COX17: variants seen among roughly 807,000 people sequenced by gnomAD.
COX17 encodes the protein cytochrome c oxidase copper chaperone COX17.
Under a neutral mutation model 6.3 loss-of-function variants are expected in COX17, and 1 was observed. The observed-to-expected ratio is 0.16, with a 90% CI of 0.06 to 0.75. The LOEUF (loss-of-function observed/expected upper bound fraction) is 0.75. Among genes scored for constraint, COX17 ranks in the 30% least tolerant of loss-of-function variants. COX17 has a pLI of 0.77. For synonymous variants in COX17, 26 were observed against 30.5 expected (o/e 0.85, Z 0.49); for missense variants, 73 against 81.2 (o/e 0.90, Z 0.39).
At chr3:119,667,688 T>TACAC (rs58875404), downstream of COX17, among the ~76,000 whole-genome samples, 1,080 of 136,852 alleles carry the variant, frequency 7.9e-3, 13 homozygotes, top group African/African-American at 0.027. Context: ...GTAAAAGGTG[T>TACAC]ACACACACAC....
chr3:119,669,317 A>T (rs909214302), downstream of COX17: 5 of 151,754 alleles, frequency 3.3e-5, no homozygotes, highest in African/African-American at 4.8e-5. Flanking sequence ...GAATTGGTAA[A>T]GGGTTATTTT....
chr3:119,676,741 A>G (rs1275570016), intron 1 of COX17: 22 of 681,778 alleles, frequency 3.2e-5, no homozygotes, highest in Non-Finnish European at 5.6e-5. Context: ...CACGTCGTAT[A>G]CAAGTCACTG....
downstream of COX17, among the ~76,000 whole-genome samples, chr3:119,668,161 T>C (rs2053011228): frequency 6.6e-6 from 1 of 152,168 alleles, no homozygotes; most frequent in African/African-American, 2.4e-5. Context: ...TATTTTGTTT[T>C]AAAAAATGTA....
downstream of COX17, among the ~76,000 whole-genome samples, chr3:119,667,660 C>CAA (rs71156763): frequency 3.4e-4 from 39 of 114,154 alleles, no homozygotes; most frequent in South Asian, 6.1e-3. Context: ...TCAGAGTAGC[C>CAA]AAAAAAAAAA....
At chr3:119,670,407 C>T (rs2053032166) in intron 2 of COX17, among the ~76,000 whole-genome samples, 1 of 152,174 alleles carries the variant, frequency 6.6e-6, no homozygotes. Context: ...AAGATACAAA[C>T]ATCTAAACTC....
intron 2 of COX17, among the ~76,000 whole-genome samples, chr3:119,670,752 TTGTGTGTGTG>T (rs10542008): frequency 0.079 from 11,744 of 149,530 alleles, 1,253 homozygotes; most frequent in East Asian, 0.51. Flanking sequence ...ATGATCAGTT[TTGTGTGTGTG>T]TGTGTGTGTG....
At chr3:119,677,008 CGGGGCGGGGCGGGGCGGG>C (rs1454650399) in intron 1 of COX17, 178 bp downstream of exon 1, 13 of 322,448 alleles carry the variant, frequency 4.0e-5, no homozygotes, top group Non-Finnish European at 6.0e-5. Flanking sequence ...CGCAATGGGG[CGGGGCGGGGCGGGGCGGG>C]GGGGGGGGGC....
At chr3:119,668,638 C>T (rs986488247), downstream of COX17, among the ~76,000 whole-genome samples, 4 of 150,834 alleles carry the variant, frequency 2.7e-5, no homozygotes, top group African/African-American at 9.8e-5. Flanking sequence ...GTCTGTCATA[C>T]ATCAAAGCCA....
intron 3 of COX17, among the ~76,000 whole-genome samples, chr3:119,664,162 C>G (rs941523998): frequency 6.6e-6 from 1 of 152,104 alleles, no homozygotes; most frequent in Non-Finnish European, 1.5e-5. Flanking sequence ...AAAGAAAAAA[C>G]ACTTATGAGG....
At chr3:119,671,099 C>T (rs2053039157) in intron 2 of COX17, among the ~76,000 whole-genome samples, 1 of 152,182 alleles carries the variant, frequency 6.6e-6, no homozygotes, top group African/African-American at 2.4e-5. Flanking sequence ...TTTGCTACTA[C>T]TAAATTTTCA....
At chr3:119,664,160 AAC>A (rs2052972550) in intron 3 of COX17, among the ~76,000 whole-genome samples, 1 of 152,200 alleles carries the variant, frequency 6.6e-6, no homozygotes, top group African/African-American at 2.4e-5. Context: ...TCAAAGAAAA[AAC>A]ACTTATGAGG....
chr3:119,674,579 T>A (rs2107835247), intron 2 of COX17: 1 of 152,686 alleles, frequency 6.5e-6, no homozygotes, highest in Non-Finnish European at 1.5e-5. Context: ...GAGGATTGCC[T>A]GAGTCCAAGA....
chr3:119,668,565 A>G (rs764654732), downstream of COX17, among the ~76,000 whole-genome samples: 3 of 149,448 alleles, frequency 2.0e-5, no homozygotes, highest in Non-Finnish European at 4.4e-5. Context: ...TTTTCAGCTG[A>G]GAAAAACAGA....
At chr3:119,669,134 A>C (rs965046513), downstream of COX17, 8 of 152,164 alleles carry the variant, frequency 5.3e-5, no homozygotes, top group African/African-American at 1.9e-4. Context: ...TTCTAAGCCA[A>C]ATTACCCTAA....
chr3:119,671,615 G>A (rs2107833452), intron 2 of COX17, among the ~76,000 whole-genome samples: 1 of 152,250 alleles, frequency 6.6e-6, no homozygotes, highest in East Asian at 1.9e-4. Flanking sequence ...TGGGTTATAT[G>A]CAACTGTACA....
At chr3:119,673,264 T>C (rs1286883398) in intron 2 of COX17, among the ~76,000 whole-genome samples, 2 of 152,176 alleles carry the variant, frequency 1.3e-5, no homozygotes, top group East Asian at 1.9e-4. Context: ...CAATCCTCCA[T>C]TAAGCACCTA....
intron 2 of COX17, among the ~76,000 whole-genome samples, chr3:119,670,750 TTTTGTGTGTG>T (rs1011002694): frequency 4.4e-4 from 33 of 75,168 alleles, no homozygotes; most frequent in Admixed American, 1.7e-3. Context: ...ACATGATCAG[TTTTGTGTGTG>T]TGTGTGTGTG....
At chr3:119,666,684 C>T (rs1241480174), downstream of COX17, among the ~76,000 whole-genome samples, 1 of 152,152 alleles carries the variant, frequency 6.6e-6, no homozygotes, top group African/African-American at 2.4e-5. Flanking sequence ...CTATGTCTTA[C>T]TACTCTTTAC....
chr3:119,676,893 G>C, intron 1 of COX17: 1 of 702,864 alleles, frequency 1.4e-6, no homozygotes, highest in Non-Finnish European at 2.6e-6. Flanking sequence ...GTTGAAGCTT[G>C]CCGTTCTCCT....
Sources: gnomAD v4.1 joint callset for allele counts (sites outside exome capture counted in the v4.1 genomes callset) on GRCh38, gnomAD v4.1.1 for gene constraint, MANE v1.5 for transcripts, NCBI Gene and HGNC (gene_info 2026-07-23, HGNC 2026-07-21) for gene names.